Variants in CAMTA1 observed in about 807,000 individuals in gnomAD.
The protein encoded by CAMTA1 is calmodulin-binding transcription activator 1.
A neutral mutation model predicts 170.9 loss-of-function variants in CAMTA1; 27 were observed. The observed-to-expected ratio is 0.16, with a 90% CI of 0.12 to 0.22. The LOEUF is 0.22. Among genes scored for constraint, CAMTA1 ranks in the 10% least tolerant of loss-of-function variants. The pLI, the probability that CAMTA1 is intolerant of heterozygous loss-of-function variation, is 1.00. For missense variants in CAMTA1, 1,619 were observed against 2,217.2 expected (o/e 0.73, Z 5.42); for synonymous variants, 833 against 891.5 (o/e 0.93, Z 1.17).
intron 5 of CAMTA1, among the ~76,000 whole-genome samples, chr1:7,466,834 T>A (rs1455381699): frequency 6.6e-6 from 1 of 152,094 alleles, no homozygotes; most frequent in African/African-American, 2.4e-5. Context: ...GGGGCCCCCA[T>A]CACTGGGTGC....
intron 3 of CAMTA1, among the ~76,000 whole-genome samples, chr1:7,000,636 G>C (rs1698085570): frequency 1.3e-5 from 2 of 152,130 alleles, no homozygotes; most frequent in South Asian, 4.1e-4. Flanking sequence ...TGCATGATGT[G>C]GCCTCTCTTG....
At chr1:7,613,526 C>G (rs910169113) in intron 6 of CAMTA1, among the ~76,000 whole-genome samples, 1 of 152,150 alleles carries the variant, frequency 6.6e-6, no homozygotes, top group African/African-American at 2.4e-5. Context: ...CAACCAGCCC[C>G]CTCCAGGACC....
At chr1:7,698,083 C>A (rs530532745) in intron 11 of CAMTA1, among the ~76,000 whole-genome samples, 2 of 142,448 alleles carry the variant, frequency 1.4e-5, no homozygotes, top group African/African-American at 5.1e-5. Context: ...GACCCCCCCC[C>A]CCCCCACCAA....
At chr1:7,537,248 G>A (rs1194500464) in intron 6 of CAMTA1, among the ~76,000 whole-genome samples, 1 of 152,208 alleles carries the variant, frequency 6.6e-6, no homozygotes, top group East Asian at 1.9e-4. Context: ...CTTTGGAAAG[G>A]ACACCTTTCC....
intron 6 of CAMTA1, among the ~76,000 whole-genome samples, chr1:7,614,474 T>G (rs561320987): frequency 1.3e-5 from 2 of 152,210 alleles, no homozygotes; most frequent in South Asian, 4.1e-4. Context: ...TTGTACGTAA[T>G]GACAATCAAG....
In CAMTA1 at chr1:7,644,581, T is replaced by G. The variant is rs1020189632; in HGVS notation, c.664+4028T>G. On this transcript the variant is annotated intron_variant, in intron 7 of 22. Coordinates refer to ENST00000303635, the MANE Select transcript of CAMTA1 (RefSeq NM_015215.4). ...GCTCCCCATTCCTAGGGCTTTGCCTTCTTTTACATGGTCCAAAATGGCTAC... is the reference window on the plus strand; with the variant it reads ...GCTCCCCATTCCTAGGGCTTTGCCTGCTTTTACATGGTCCAAAATGGCTAC... 5.3e-5 allele frequency among the ~76,000 whole-genome samples: 8 copies of G among 151,924 alleles called. No individual in the cohort carries two copies. The East Asian group carries it at 1.5e-3, about 29-fold the overall frequency.
chr1:7,494,642 A>G (rs2093796252), intron 6 of CAMTA1, among the ~76,000 whole-genome samples: 1 of 152,048 alleles, frequency 6.6e-6, no homozygotes, highest in South Asian at 2.1e-4. Context: ...CATCTCTACT[A>G]AAAATACAAA....
intron 11 of CAMTA1, among the ~76,000 whole-genome samples, chr1:7,696,509 T>TTA (rs397949996): frequency 1.3e-5 from 2 of 151,098 alleles, no homozygotes; most frequent in South Asian, 2.1e-4. Flanking sequence ...TTTTTTTTTT[T>TTA]AAAATAAATG....
chr1:6,823,939 ATAATC>A (rs1170503956), intron 2 of CAMTA1, among the ~76,000 whole-genome samples: 1 of 152,182 alleles, frequency 6.6e-6, no homozygotes, highest in Admixed American at 6.5e-5. Flanking sequence ...AGAATTAGAG[ATAATC>A]TAATCTTGTT....
intron 3 of CAMTA1, among the ~76,000 whole-genome samples, chr1:7,051,659 A>G (rs2101609739): frequency 8.5e-6 from 1 of 117,160 alleles, no homozygotes; most frequent in South Asian, 3.2e-4. Flanking sequence ...CTGAGGAAAC[A>G]TCCCTGCCAG....
chr1:7,085,890 G>A (rs975857659), intron 3 of CAMTA1, among the ~76,000 whole-genome samples: 4 of 152,188 alleles, frequency 2.6e-5, no homozygotes, highest in African/African-American at 9.7e-5. Context: ...ATGGCAGCAC[G>A]GTGTGTGACC....
At chr1:7,213,214 A>G (rs1047735298) in intron 4 of CAMTA1, among the ~76,000 whole-genome samples, 1 of 152,124 alleles carries the variant, frequency 6.6e-6, no homozygotes, top group Non-Finnish European at 1.5e-5. Flanking sequence ...GCCGTGCTTT[A>G]TTTTCCCACC....
intron 6 of CAMTA1, among the ~76,000 whole-genome samples, chr1:7,540,304 C>T (rs2094594858): frequency 6.6e-6 from 1 of 152,136 alleles, no homozygotes; most frequent in Admixed American, 6.6e-5. Flanking sequence ...GGCTGGGGCC[C>T]AGCATTAGAA....
In CAMTA1 at chr1:7,026,133, A is replaced by AT. The variant is rs199745349; in HGVS notation, c.235-65171_235-65170insT. ...AGACCCTGCCTTAAAAAAAAAAAAA[A>AT]GAAACAAAAAGATTTGGCCAAGAGC... is the stretch of plus-strand genomic sequence containing the variant. On this transcript the variant is annotated intron_variant, in intron 3 of 22. Transcript: ENST00000303635. 8.2e-4 allele frequency among the ~76,000 whole-genome samples: 125 copies of AT among 151,912 alleles called. 1 individual carries two copies. The East Asian group carries it at 0.023, about 28-fold the overall frequency.
At chr1:7,281,043 CT>C (rs1671432060) in intron 5 of CAMTA1, among the ~76,000 whole-genome samples, 2 of 152,184 alleles carry the variant, frequency 1.3e-5, no homozygotes. Flanking sequence ...CATTGATGAA[CT>C]TTCTGCAGAA....
intron 11 of CAMTA1, among the ~76,000 whole-genome samples, chr1:7,713,244 C>T (rs1015321854): frequency 1.3e-5 from 2 of 152,170 alleles, no homozygotes; most frequent in Admixed American, 6.5e-5. Context: ...CATTCATCCA[C>T]GTAATTTTAT....
At chr1:6,892,158 A>C (rs529062921) in intron 3 of CAMTA1, among the ~76,000 whole-genome samples, 4 of 152,186 alleles carry the variant, frequency 2.6e-5, no homozygotes, top group African/African-American at 9.7e-5. Context: ...CTAGTAGACA[A>C]TTTTCACATT....
intron 5 of CAMTA1, among the ~76,000 whole-genome samples, chr1:7,429,130 C>T (rs192912119): frequency 2.6e-5 from 4 of 152,002 alleles, no homozygotes; most frequent in South Asian, 2.1e-4. Flanking sequence ...ACCTGGGTTG[C>T]GATTAGAGCC....
intron 7 of CAMTA1, among the ~76,000 whole-genome samples, chr1:7,652,083 C>T (rs986237144): frequency 5.3e-5 from 8 of 151,386 alleles, no homozygotes; most frequent in Admixed American, 2.0e-4. Flanking sequence ...GAGGCCCTGT[C>T]GTGGAGCCAA....
Sources: gnomAD v4.1 joint callset for allele counts (sites outside exome capture counted in the v4.1 genomes callset) on GRCh38, gnomAD v4.1.1 for gene constraint, MANE v1.5 for transcripts, NCBI Gene and HGNC (gene_info 2026-07-23, HGNC 2026-07-21) for gene names.